INTS6: variants seen among roughly 807,000 people sequenced by gnomAD.
INTS6 encodes the protein DEAD box protein.
In INTS6, 16 loss-of-function variants were observed where a neutral mutation model predicts 104.9. The ratio of observed to expected loss-of-function variants is 0.15; its 90% CI spans 0.10 to 0.23. The LOEUF (loss-of-function observed/expected upper bound fraction) is 0.23. INTS6 is among the 10% of genes least tolerant of loss of function. The pLI, the probability that INTS6 is intolerant of heterozygous loss-of-function variation, is 1.00. For synonymous variants in INTS6, 324 were observed against 358.7 expected (o/e 0.90, Z 1.09); for missense variants, 584 against 1,062.8 (o/e 0.55, Z 6.26).
At chr13:51,368,622 A>G (rs772940666) in intron 16 of INTS6, among the ~76,000 whole-genome samples, 41 of 152,128 alleles carry the variant, frequency 2.7e-4, no homozygotes, top group Non-Finnish European at 4.7e-4. Context: ...AATTTTCACT[A>G]TATCTCTTGT....
In INTS6 at chr13:51,453,020, CCT is replaced by C. The variant is rs138207290; in HGVS notation, c.-497_-496del. The C allele has an allele frequency of 3.1e-4, 314 of 1,011,100 alleles. 1 individual carries two copies. In the African/African-American group the frequency reaches 5.0e-3, roughly 16 times the overall value. 62.6% of individuals were successfully genotyped at this position (1,011,100 alleles called of 1,614,324 possible). The stretch of plus-strand genomic sequence containing the variant: ...CGGCGGTGTCACCACTTTCTCAGCC[CCT>C]CTCGCTACTGAAGCGCTTTTCTCTC... On this transcript the variant is annotated 5_prime_UTR_variant, in exon 1 of 18. Transcript: ENST00000311234.
intron 4 of INTS6, among the ~76,000 whole-genome samples, chr13:51,411,650 C>T (rs1048830417): frequency 2.0e-5 from 3 of 151,822 alleles, no homozygotes; most frequent in African/African-American, 7.3e-5. Flanking sequence ...GATAATAAAA[C>T]TTTAAAAACT....
intron 5 of INTS6, among the ~76,000 whole-genome samples, chr13:51,394,214 A>T (rs1956294544): frequency 6.6e-6 from 1 of 152,154 alleles, no homozygotes; most frequent in African/African-American, 2.4e-5. Context: ...CCTAAAAAAA[A>T]TTACATATAT....
chr13:51,425,437 C>G (rs1413500365), intron 4 of INTS6, among the ~76,000 whole-genome samples: 1 of 152,102 alleles, frequency 6.6e-6, no homozygotes, highest in Non-Finnish European at 1.5e-5. Flanking sequence ...CAAATACCTT[C>G]TCTCAACGTT....
intron 4 of INTS6, among the ~76,000 whole-genome samples, chr13:51,418,073 TA>T (rs1405310233): frequency 6.6e-6 from 1 of 152,188 alleles, no homozygotes; most frequent in East Asian, 1.9e-4. Context: ...TTGTAAACAA[TA>T]AAAGTTAAAC....
intron 17 of INTS6, among the ~76,000 whole-genome samples, chr13:51,366,976 T>G (rs1307637063): frequency 6.6e-6 from 1 of 152,048 alleles, no homozygotes; most frequent in Non-Finnish European, 1.5e-5. Flanking sequence ...ATTGCACTTC[T>G]TAATTACCAT....
rs1955670289 is a variant in INTS6, at chr13:51,365,660, A to C, written c.*92T>G. On this transcript the variant is annotated 3_prime_UTR_variant, in exon 18 of 18. Coordinates refer to ENST00000311234, the MANE Select transcript of INTS6 (RefSeq NM_012141.3). ...TAGTATTTCAAATAGCCAACAATGC[A>C]TGTCAGAAAATGAATGCAAGATCAC... The C allele has an allele frequency of 5.0e-6, 3 of 594,258 alleles. No individual in the cohort carries two copies. The highest frequency in any genetic ancestry group is 8.5e-6 in the Non-Finnish European group (3 of 353,232). The allele number at this position is 594,258 out of a possible 1,614,324, so 36.8% of individuals were successfully genotyped here.
At position 51,389,669 on chromosome 13, in the gene INTS6, A is replaced by G. The variant is rs1425776874; in HGVS notation, c.614-225T>C. ...AATCCCATTTTGTGAGAGTATGTACATTTTTTCTTCTAATTACAGGTATTT... is the reference window on the plus strand; with the variant it reads ...AATCCCATTTTGTGAGAGTATGTACGTTTTTTCTTCTAATTACAGGTATTT... On this transcript the variant is annotated intron_variant, in intron 5 of 17. Transcript: ENST00000311234. Among the ~76,000 whole-genome samples the G allele has an allele frequency of 3.9e-5, 6 of 152,258 alleles. No individual in the cohort carries two copies. In the East Asian group the frequency reaches 7.7e-4, roughly 20 times the overall value.
intron 7 of INTS6, 97 bp from the exon 8 acceptor site, chr13:51,383,838 G>A: frequency 9.8e-7 from 1 of 1,017,482 alleles, no homozygotes; most frequent in East Asian, 2.5e-5. Context: ...CCTCCGTCTT[G>A]CTAGTAAGAG....
chr13:51,450,820 T>C (rs1299509981), intron 3 of INTS6: 2 of 1,194,206 alleles, frequency 1.7e-6, no homozygotes, highest in Non-Finnish European at 2.1e-6. Flanking sequence ...TAATCCTGAA[T>C]ACCAATGCAT....
intron 3 of INTS6, chr13:51,449,403 A>G: frequency 3.3e-6 from 3 of 921,980 alleles, no homozygotes; most frequent in Non-Finnish European, 3.9e-6. Context: ...GCAGATATCA[A>G]CTGGGAAAAG....
At chr13:51,346,795 G>A in the INTS6 span, among the ~76,000 whole-genome samples, 1 of 152,232 alleles carries the variant, frequency 6.6e-6, no homozygotes, top group Non-Finnish European at 1.5e-5. Context: ...CAAAAGTTGA[G>A]AGCAGCTCCT....
intron 3 of INTS6, chr13:51,440,951 T>G (rs1952786671): frequency 6.6e-6 from 1 of 152,194 alleles, no homozygotes; most frequent in African/African-American, 2.4e-5. Flanking sequence ...CTAAAAAGCT[T>G]TTATCCTGTT....
At chr13:51,340,979 AAAAACAGAGCTGG>A in the INTS6 span, 4 of 1,299,832 alleles carry the variant, frequency 3.1e-6, no homozygotes, top group Non-Finnish European at 3.2e-6. Context: ...CCTAGCCCCT[AAAAACAGAGCTGG>A]GGGTCCCAGT....
chr13:51,452,126 G>A lies in INTS6; in HGVS notation c.112-71C>T. On this transcript the variant is annotated intron_variant, in intron 1 of 17. Coordinates refer to ENST00000311234, the MANE Select transcript of INTS6 (RefSeq NM_012141.3). This position sits in a 1 kb window ranked among gnomAD's most constrained non-coding sequence, Gnocchi z 4.2. ...AGGCGAGGTTACGAGGCGGAGAAGG[G>A]GCGCCCAGCGGCCCCGCCGCCCCCA... The A allele has an allele frequency of 7.1e-7, 1 of 1,416,130 alleles. No homozygotes were observed. The highest frequency in any genetic ancestry group is 9.8e-7 in the Non-Finnish European group (1 of 1,017,788). The allele number at this position is 1,416,130 out of a possible 1,614,324, so 87.7% of individuals were successfully genotyped here.
chr13:51,362,089 C>T lies in INTS6; in HGVS notation c.*3663G>A. 2 of 1,519,232 alleles carry T rather than the reference C, an allele frequency of 1.3e-6. No individual in the cohort carries two copies. Among genetic ancestry groups the T allele is most frequent in the Non-Finnish European group, 8.7e-7 (1 of 1,143,576 alleles). 94.1% of individuals were successfully genotyped at this position (1,519,232 alleles called of 1,614,324 possible). On this transcript the variant is annotated 3_prime_UTR_variant, in exon 18 of 18. Coordinates refer to ENST00000311234, the MANE Select transcript of INTS6 (RefSeq NM_012141.3). Reference sequence around the variant, plus strand: ...GTAAGTACAAAGGAAACTTATCCTCCATGTTTTTTACCTTCTCATTCTCTC... The same window carrying T: ...GTAAGTACAAAGGAAACTTATCCTCTATGTTTTTTACCTTCTCATTCTCTC...
intron 4 of INTS6, among the ~76,000 whole-genome samples, chr13:51,395,931 G>A (rs1956328488): frequency 6.6e-6 from 1 of 152,094 alleles, no homozygotes; most frequent in Non-Finnish European, 1.5e-5. Context: ...CCGAGTAGCT[G>A]GGATTACAGG....
intron 2 of INTS6, 24 bp downstream of exon 2, chr13:51,451,954 A>G: frequency 2.0e-6 from 3 of 1,499,216 alleles, no homozygotes; most frequent in Non-Finnish European, 2.7e-6. Flanking sequence ...GAAGGGAGGA[A>G]AGGGGGAGGG....
At chr13:51,434,764 G>C (rs10710118) in intron 3 of INTS6, among the ~76,000 whole-genome samples, 108,408 of 151,580 alleles carry the variant, frequency 0.72, 40,119 homozygotes, top group African/African-American at 0.93. Flanking sequence ...GCACTGTTTT[G>C]TTGCTGCATA....
Sources: allele counts gnomAD v4.1 joint callset (sites outside exome capture counted in the v4.1 genomes callset), GRCh38; gene constraint gnomAD v4.1.1; non-coding constraint Gnocchi (gnomAD v3.1); transcripts MANE v1.5; gene names NCBI Gene and HGNC (gene_info 2026-07-23, HGNC 2026-07-21).